TIRAP: variants seen among roughly 807,000 people sequenced by gnomAD.
TIRAP encodes the protein TIR domain containing adaptor protein.
TIRAP carries 20 observed loss-of-function variants against 19.8 expected under a neutral mutation model. The ratio of observed to expected loss-of-function variants is 1.01; its 90% CI spans 0.71 to 1.47. The LOEUF (loss-of-function observed/expected upper bound fraction) is 1.47. TIRAP is among the 40% of genes most tolerant of loss of function. TIRAP has a pLI of 0.00. For missense variants in TIRAP, 276 were observed against 285.1 expected (o/e 0.97, Z 0.23); for synonymous variants, 125 against 121.7 (o/e 1.03, Z -0.18).
rs1180367467 is a variant in TIRAP, at chr11:126,292,814, GGCAC to G, written c.406_409del (p.Ala136Ter). ...GCGCTATAGTGTCCGAGCTGTGCCA[GGCAC>G]TGAGCAGTAGTCACTGCCGGGTGCT... On this transcript the variant is annotated frameshift_variant, in exon 4 of 5. Coordinates refer to ENST00000392679, the MANE Select transcript of TIRAP (RefSeq NM_001318777.2). LOFTEE classifies it high-confidence loss of function. 6.2e-7 allele frequency: 1 copy of G among 1,612,828 alleles called. No homozygotes were observed. The highest frequency in any genetic ancestry group is 8.5e-7 in the Non-Finnish European group (1 of 1,179,874).
At position 126,293,796 on chromosome 11, in the gene TIRAP, A is replaced by G. The variant is rs611953; in HGVS notation, c.*109A>G. 970,887 of 1,253,056 alleles carry G rather than the reference A, an allele frequency of 0.77. 380,408 individuals carry two copies. The highest frequency in any genetic ancestry group is 0.99 in the East Asian group (42,691 of 42,962). The allele number at this position is 1,253,056 out of a possible 1,614,324, so 77.6% of individuals were successfully genotyped here. ...TGACAAGAGGTATAGGGAGTGAGTCACAGCGCTTTGCTCGTGACCCTGGGA... is the reference window on the plus strand; with the variant it reads ...TGACAAGAGGTATAGGGAGTGAGTCGCAGCGCTTTGCTCGTGACCCTGGGA... On this transcript the variant is annotated 3_prime_UTR_variant, in exon 5 of 5. Transcript: ENST00000392679.
intron 3 of TIRAP, 98 bp from the exon 4 acceptor site, chr11:126,292,378 AG>A: frequency 7.8e-7 from 1 of 1,285,452 alleles, no homozygotes; most frequent in South Asian, 1.3e-5. Flanking sequence ...GGTGGGCTGC[AG>A]TCTGTCTGTC....
In TIRAP at chr11:126,290,251, G is replaced by A. The variant is rs892163827; in HGVS notation, c.-216-211G>A. ...GAATCAGGCACTCTACCTGCAGTCT[G>A]CAGTCTGTACCACTTTTTGACATGA... On this transcript the variant is annotated intron_variant, in intron 1 of 4. Transcript: ENST00000392679. This position sits in a 1 kb window ranked among gnomAD's most constrained non-coding sequence, Gnocchi z 4.9. Among the ~76,000 whole-genome samples the A allele has an allele frequency of 1.3e-5, 2 of 152,216 alleles. No individual in the cohort carries two copies. Among genetic ancestry groups the A allele is most frequent in the Non-Finnish European group, 2.9e-5 (2 of 68,038 alleles).
intron 1 of TIRAP, chr11:126,289,838 G>T (rs538808508): frequency 1.0e-6 from 1 of 985,356 alleles, no homozygotes; most frequent in Non-Finnish European, 1.2e-6. Context: ...AACATGGCAG[G>T]TTGCCTTTCT....
chr11:126,284,819 A>G (rs1591371137), intron 1 of TIRAP, among the ~76,000 whole-genome samples: 1 of 149,688 alleles, frequency 6.7e-6, no homozygotes, highest in African/African-American at 2.5e-5. Context: ...ATGCCACTGC[A>G]CTCCAGCCCG....
chr11:126,284,920 G>A (rs1951301934), intron 1 of TIRAP, among the ~76,000 whole-genome samples: 1 of 151,450 alleles, frequency 6.6e-6, no homozygotes, highest in South Asian at 2.1e-4. Context: ...AATTGCTGAT[G>A]TGTGTATGCT....
At chr11:126,292,358 A>C in intron 3 of TIRAP, 119 bp from the exon 4 acceptor site, 9 of 989,526 alleles carry the variant, frequency 9.1e-6, no homozygotes, top group Non-Finnish European at 1.3e-5. Flanking sequence ...GATGTTTCCC[A>C]GTGCAGGGAG....
At position 126,291,418 on chromosome 11, in the gene TIRAP, C is replaced by T. The variant is rs1176711663; in HGVS notation, c.67+457C>T. ...ACACAGACCTGAGCAGTGTTTCTCC[C>T]CCACAGACTGGTTCAGGCAGACCCT... On this transcript the variant is annotated intron_variant, in intron 3 of 4. Coordinates refer to ENST00000392679, the MANE Select transcript of TIRAP (RefSeq NM_001318777.2). This position sits in a 1 kb window ranked among gnomAD's most constrained non-coding sequence, Gnocchi z 5.6. The T allele has an allele frequency of 4.7e-5, 62 of 1,325,600 alleles. 1 individual carries two copies. The highest frequency in any genetic ancestry group is 6.0e-5 in the African/African-American group (4 of 66,934). 82.1% of individuals were successfully genotyped at this position (1,325,600 alleles called of 1,614,324 possible). A position where few individuals can be genotyped will look rare whatever the true frequency, so the allele number is the denominator to read the frequency against.
intron 1 of TIRAP, among the ~76,000 whole-genome samples, chr11:126,284,520 A>G (rs1224882276): frequency 6.6e-6 from 1 of 152,074 alleles, no homozygotes; most frequent in African/African-American, 2.4e-5. Flanking sequence ...GTTATTTTGT[A>G]TCTTGCTGCT....
intron 3 of TIRAP, among the ~76,000 whole-genome samples, chr11:126,292,270 CT>C (rs1951399144): frequency 6.7e-6 from 1 of 149,368 alleles, no homozygotes. Flanking sequence ...CACCACTGTA[CT>C]CCAGCCTGGG....
chr11:126,293,654 T>G lies in TIRAP; in HGVS notation c.647-14T>G. 1 of 1,614,040 alleles carries G rather than the reference T, an allele frequency of 6.2e-7. No individual in the cohort carries two copies. Among genetic ancestry groups the G allele is most frequent in the Non-Finnish European group, 8.5e-7 (1 of 1,179,946 alleles). ...TTTGGGAGGTGTGACAACGCTGTGA[T>G]TGGTCTCTTTCAGATCTGCAGACAC... On this transcript the variant is annotated splice_polypyrimidine_tract_variant and intron_variant, in intron 4 of 4. Transcript: ENST00000392679.
At position 126,284,441 on chromosome 11, in the gene TIRAP, T is replaced by C. The variant is rs78925792; in HGVS notation, c.-217+1288T>C. ...TGTTGGTATATAATATTCCATTGTATGGCTAGACCACAATTTATTTATCCA... is the reference window on the plus strand; with the variant it reads ...TGTTGGTATATAATATTCCATTGTACGGCTAGACCACAATTTATTTATCCA... On this transcript the variant is annotated intron_variant, in intron 1 of 4. Transcript: ENST00000392679. 3.9e-3 allele frequency among the ~76,000 whole-genome samples: 588 copies of C among 152,320 alleles called. 12 individuals carry two copies. In the East Asian group the frequency reaches 0.052, roughly 14 times the overall value.
chr11:126,284,047 T>TG (rs1424127320), intron 1 of TIRAP, among the ~76,000 whole-genome samples: 2 of 150,212 alleles, frequency 1.3e-5, no homozygotes, highest in Non-Finnish European at 3.0e-5. Context: ...TTTTTTTTTT[T>TG]TTTTTTGAGA....
chr11:126,286,412 AG>A (rs987161817), intron 1 of TIRAP, among the ~76,000 whole-genome samples: 9 of 152,276 alleles, frequency 5.9e-5, no homozygotes, highest in African/African-American at 1.9e-4. Flanking sequence ...GTGTGAACAC[AG>A]GGGGCCACCC....
chr11:126,290,976 A>T lies in TIRAP; in HGVS notation c.67+15A>T, dbSNP rs1951376862. 2 of 1,597,300 alleles carry T rather than the reference A, an allele frequency of 1.3e-6. No homozygotes were observed. The highest frequency in any genetic ancestry group is 2.3e-5 in the South Asian group (2 of 88,800). On this transcript the variant is annotated intron_variant, in intron 3 of 4. Coordinates refer to ENST00000392679, the MANE Select transcript of TIRAP (RefSeq NM_001318777.2). The surrounding 1 kb of genome is among the most constrained non-coding windows in gnomAD (Gnocchi z 4.9). Reference sequence around the variant, plus strand: ...CAAGATGGCTGGTGAGTGGAACCGGACTCGCGACTCTGCTGTGTTCCTGAG... The same window carrying T: ...CAAGATGGCTGGTGAGTGGAACCGGTCTCGCGACTCTGCTGTGTTCCTGAG...
rs1951440549 is a variant in TIRAP at position 126,293,908 on chromosome 11, C to T, written c.*221C>T. On this transcript the variant is annotated 3_prime_UTR_variant, in exon 5 of 5. Transcript: ENST00000392679. The stretch of plus-strand genomic sequence containing the variant: ...GGACTCCCCCAGGAAGGCCGTGAAG[C>T]TGGGGATTCCCCCTAGGAAAGCCAT... The T allele has an allele frequency of 3.4e-6, 2 of 589,944 alleles. No individual in the cohort carries two copies. The highest frequency in any genetic ancestry group is 5.9e-5 in the Admixed American group (2 of 33,614). 36.5% of individuals were successfully genotyped at this position (589,944 alleles called of 1,614,324 possible).
rs547066847 is a variant in TIRAP, at chr11:126,288,908, A to T, written c.-216-1554A>T. On this transcript the variant is annotated intron_variant, in intron 1 of 4. Transcript: ENST00000392679. The surrounding 1 kb of genome is among the most constrained non-coding windows in gnomAD (Gnocchi z 5.0). ...TTAAAACAGAATTGAAAAAATATTT[A>T]AAAAATGCAAAAACCAAGTGACATC... 1.2e-4 allele frequency among the ~76,000 whole-genome samples: 18 copies of T among 152,322 alleles called. No individual in the cohort carries two copies. Among genetic ancestry groups the T allele is most frequent in the African/African-American group, 4.3e-4 (18 of 41,574 alleles).
rs1182840430 is a variant in TIRAP, at chr11:126,286,054, GAAAAA to G, written c.-217+2921_-217+2925del. 6.9e-3 allele frequency among the ~76,000 whole-genome samples: 333 copies of G among 48,342 alleles called. 2 individuals are homozygous for G. Among genetic ancestry groups the G allele is most frequent in the Non-Finnish European group, 0.011 (286 of 25,928 alleles). 31.7% of individuals were successfully genotyped at this position (48,342 alleles called of 152,430 possible). On this transcript the variant is annotated intron_variant, in intron 1 of 4. Coordinates refer to ENST00000392679, the MANE Select transcript of TIRAP (RefSeq NM_001318777.2). ...GGGTGACAGAGCAAGACCCTCTCTG[GAAAAA>G]AAAAAAAAAAAAAAAAAAAGGTCGG...
At chr11:126,283,564 A>G (rs1951281393) in intron 1 of TIRAP, among the ~76,000 whole-genome samples, 1 of 152,192 alleles carries the variant, frequency 6.6e-6, no homozygotes, top group Non-Finnish European at 1.5e-5. Context: ...CAGCAAGTGC[A>G]TAACATTAGT....
Sources: allele counts gnomAD v4.1 joint callset (sites outside exome capture counted in the v4.1 genomes callset), GRCh38; gene constraint gnomAD v4.1.1; non-coding constraint Gnocchi (gnomAD v3.1); transcripts MANE v1.5; gene names NCBI Gene and HGNC (gene_info 2026-07-23, HGNC 2026-07-21).